The following ROBO2 variants were observed in gnomAD, a reference collection of about 807,000 sequenced individuals.
ROBO2 encodes roundabout homolog 2.
In ROBO2, 53 loss-of-function variants were observed where a neutral mutation model predicts 160.8. The ratio of observed to expected loss-of-function variants is 0.33; its 90% CI spans 0.26 to 0.41. ROBO2 has a LOEUF of 0.41. ROBO2 is among the 10% of genes least tolerant of loss of function. The pLI, the probability that ROBO2 is intolerant of heterozygous loss-of-function variation, is 1.00. For synonymous variants in ROBO2, 664 were observed against 611.7 expected, an observed-to-expected ratio of 1.09 and a Z score of -1.26; for missense variants, 1,577 against 1,722.4, an observed-to-expected ratio of 0.92 and a Z score of 1.49.
intron 2 of ROBO2, among the ~76,000 whole-genome samples, chr3:77,176,052 A>G (rs1169143503): frequency 6.6e-6 from 1 of 152,032 alleles, no homozygotes; most frequent in Non-Finnish European, 1.5e-5. Context: ...TAGGACCTCC[A>G]TTAAATCAGC....
intron 2 of ROBO2, among the ~76,000 whole-genome samples, chr3:77,364,483 T>C (rs574486250): frequency 6.6e-6 from 1 of 152,124 alleles, no homozygotes; most frequent in Non-Finnish European, 1.5e-5. Flanking sequence ...TGGAAAAATT[T>C]GGAAAACCCT....
At chr3:77,187,694 C>T (rs1488906207) in intron 2 of ROBO2, among the ~76,000 whole-genome samples, 1 of 151,854 alleles carries the variant, frequency 6.6e-6, no homozygotes, top group Admixed American at 6.6e-5. Context: ...TGGAATCTCT[C>T]TTCATATTAA....
chr3:77,112,193 CAAAAAAAA>C (rs373201643), intron 2 of ROBO2, among the ~76,000 whole-genome samples: 2 of 68,692 alleles, frequency 2.9e-5, no homozygotes, highest in Non-Finnish European at 5.0e-5. Context: ...AGACTCGTCT[CAAAAAAAA>C]AAAAAAAAAA....
intron 2 of ROBO2, among the ~76,000 whole-genome samples, chr3:76,576,692 AT>A (rs1222181816): frequency 1.4e-5 from 1 of 70,472 alleles, no homozygotes; most frequent in Non-Finnish European, 3.0e-5. Flanking sequence ...AGTTTAAATC[AT>A]TTTCTTTCTT....
intron 2 of ROBO2, among the ~76,000 whole-genome samples, chr3:76,977,785 T>TA (rs1313487614): frequency 6.6e-6 from 1 of 152,186 alleles, no homozygotes; most frequent in African/African-American, 2.4e-5. Flanking sequence ...ATTTGATAGT[T>TA]ACACAGAACT....
rs369933725 is a variant in ROBO2, at chr3:77,287,809, G to A, written c.388+189469G>A. Among the ~76,000 whole-genome samples, 16 of 152,182 alleles carry A rather than the reference G, an allele frequency of 1.1e-4. No homozygotes were observed. In the South Asian group the frequency reaches 3.3e-3, roughly 32 times the overall value. ...CACATGTTCAGAAAGCCTTTCCCTA[G>A]AGTATAATTTAATGTAATTGACAGT... On this transcript the variant is annotated intron_variant, in intron 2 of 25. Coordinates refer to ENST00000461745, the Ensembl canonical transcript of ROBO2.
chr3:76,049,937 A>G (rs1559867679), intron 2 of ROBO2, among the ~76,000 whole-genome samples: 2 of 152,144 alleles, frequency 1.3e-5, no homozygotes, highest in Admixed American at 6.5e-5. Flanking sequence ...AAAATAACCC[A>G]AGCATAGCAA....
intron 2 of ROBO2, among the ~76,000 whole-genome samples, chr3:77,234,381 A>G (rs2087648143): frequency 6.6e-6 from 1 of 152,152 alleles, no homozygotes; most frequent in African/African-American, 2.4e-5. Context: ...TTGAGCACTA[A>G]TCATGCCTGG....
At chr3:77,074,284 G>A (rs2067716113) in intron 1 of ROBO2, among the ~76,000 whole-genome samples, 1 of 152,160 alleles carries the variant, frequency 6.6e-6, no homozygotes, top group Admixed American at 6.5e-5. Flanking sequence ...GTGTTAACTT[G>A]CAGCCTCTCA....
At chr3:76,300,678 T>C (rs190564339) in intron 2 of ROBO2, among the ~76,000 whole-genome samples, 1 of 152,062 alleles carries the variant, frequency 6.6e-6, no homozygotes, top group South Asian at 2.1e-4. Context: ...CTATTAAGCA[T>C]AATTATTTAA....
At chr3:76,622,191 A>AAGGAAGG (rs2089152361) in intron 2 of ROBO2, among the ~76,000 whole-genome samples, 3 of 65,928 alleles carry the variant, frequency 4.6e-5, no homozygotes, top group African/African-American at 1.8e-4. Flanking sequence ...TAAAAAAAAG[A>AAGGAAGG]AAGGAAGGAA....
chr3:76,652,701 C>G (rs1416062621), intron 2 of ROBO2, among the ~76,000 whole-genome samples: 1 of 151,728 alleles, frequency 6.6e-6, no homozygotes, highest in Non-Finnish European at 1.5e-5. Context: ...AATGAAATCT[C>G]AGATAATTAG....
At chr3:75,945,282 G>T (rs1331223443) in intron 2 of ROBO2, among the ~76,000 whole-genome samples, 4 of 152,074 alleles carry the variant, frequency 2.6e-5, no homozygotes, top group Non-Finnish European at 5.9e-5. Context: ...TTTTGATAGG[G>T]TAATTTTTAA....
intron 6 of ROBO2, among the ~76,000 whole-genome samples, chr3:77,544,183 T>C (rs997674774): frequency 2.0e-5 from 3 of 151,908 alleles, no homozygotes; most frequent in Non-Finnish European, 4.4e-5. Flanking sequence ...TGCAGTGTTT[T>C]AAGAGTTTTC....
intron 2 of ROBO2, among the ~76,000 whole-genome samples, chr3:76,347,137 A>T (rs2074580815): frequency 6.6e-6 from 1 of 152,162 alleles, no homozygotes; most frequent in South Asian, 2.1e-4. Flanking sequence ...TTACTGGAAG[A>T]CACACTAGCA....
intron 2 of ROBO2, among the ~76,000 whole-genome samples, chr3:77,100,143 G>C (rs943167843): frequency 9.9e-5 from 15 of 151,832 alleles, no homozygotes; most frequent in African/African-American, 3.6e-4. Context: ...TGTTCTGGTG[G>C]GAATATTTTA....
intron 2 of ROBO2, among the ~76,000 whole-genome samples, chr3:76,593,287 T>G (rs1161158138): frequency 6.6e-6 from 1 of 152,034 alleles, no homozygotes; most frequent in East Asian, 1.9e-4. Context: ...GTTGTTGCGT[T>G]TAATTACTGA....
chr3:76,478,024 T>TATG lies in ROBO2; in HGVS notation c.109+540424_109+540425insGAT, dbSNP rs549749631. Among the ~76,000 whole-genome samples, 11 of 151,154 alleles carry TATG rather than the reference T, an allele frequency of 7.3e-5. No individual in the cohort carries two copies. In the South Asian group the frequency reaches 2.3e-3, roughly 32 times the overall value. On this transcript the variant is annotated intron_variant, in intron 2 of 26. Coordinates refer to the ROBO2 transcript ENST00000487694. The stretch of plus-strand genomic sequence containing the variant: ...AGATAAGTAGCCGCTACTTCTTTAT[T>TATG]ATTATTATTATTATTATTATACTTT...
intron 2 of ROBO2, among the ~76,000 whole-genome samples, chr3:76,681,985 C>T (rs748371211): frequency 2.0e-5 from 3 of 152,008 alleles, no homozygotes; most frequent in East Asian, 1.9e-4. Context: ...AATACATTTA[C>T]GGGAGGTCAT....
Sources: gnomAD v4.1 joint callset for allele counts (sites outside exome capture counted in the v4.1 genomes callset) on GRCh38, gnomAD v4.1.1 for gene constraint, MANE v1.5 for transcripts, NCBI Gene and HGNC (gene_info 2026-07-23, HGNC 2026-07-21) for gene names.